Variants in AGL observed in about 807,000 individuals in gnomAD.
The protein encoded by AGL is amylo-alpha-1,6-glucosidase and 4-alpha-glucanotransferase, also known as glycogen debranching enzyme.
Under a neutral mutation model 199.3 loss-of-function variants are expected in AGL, and 128 were observed. That is an observed-to-expected ratio of 0.64 (90% CI 0.56 to 0.74). AGL has a LOEUF of 0.74. Ranked by LOEUF, AGL falls within the 30% of genes least tolerant of loss-of-function variation. AGL has a pLI of 0.00. For missense variants in AGL, 1,809 were observed against 1,820.8 expected (o/e 0.99, Z 0.12); for synonymous variants, 584 against 594.7 (o/e 0.98, Z 0.26).
chr1:99,867,811 A>C (rs1381064445), intron 5 of AGL, among the ~76,000 whole-genome samples: 1 of 152,040 alleles, frequency 6.6e-6, no homozygotes, highest in African/African-American at 2.4e-5. Context: ...AGCGTGAGCC[A>C]CCGCACCCGG....
chr1:99,874,062 A>C (rs916405547), intron 7 of AGL, among the ~76,000 whole-genome samples: 1 of 152,128 alleles, frequency 6.6e-6, no homozygotes, highest in Non-Finnish European at 1.5e-5. Flanking sequence ...TTATTATCTA[A>C]GGAATATGGT....
chr1:99,912,331 G>A, intron 28 of AGL, 74 bp from the exon 29 acceptor site: 2 of 1,084,466 alleles, frequency 1.8e-6, no homozygotes, highest in Non-Finnish European at 2.8e-6. Flanking sequence ...CATTACAATT[G>A]TTTACCGAAT....
At chr1:99,854,782 A>T (rs1272718559) in intron 2 of AGL, among the ~76,000 whole-genome samples, 1 of 151,882 alleles carries the variant, frequency 6.6e-6, no homozygotes, top group Non-Finnish European at 1.5e-5. Context: ...AAAAAAAGAT[A>T]ATTTGAAATG....
At chr1:99,856,369 T>C (rs1320843100) in intron 2 of AGL, among the ~76,000 whole-genome samples, 3 of 121,330 alleles carry the variant, frequency 2.5e-5, no homozygotes, top group East Asian at 5.8e-4. Context: ...CCTCCCTTCC[T>C]TCCTCCCTTC....
intron 31 of AGL, among the ~76,000 whole-genome samples, chr1:99,916,208 A>G (rs796606248): frequency 5.9e-5 from 9 of 152,286 alleles, no homozygotes; most frequent in African/African-American, 2.2e-4. Flanking sequence ...TTTGTTAATC[A>G]TTTTTAACAC....
At chr1:99,851,827 T>C (rs1459320959) in intron 2 of AGL, among the ~76,000 whole-genome samples, 1 of 152,222 alleles carries the variant, frequency 6.6e-6, no homozygotes, top group Non-Finnish European at 1.5e-5. Context: ...ATGTACCAAA[T>C]GGATGTTGCT....
chr1:99,916,443 A>G lies in AGL; in HGVS notation c.4293A>G (p.Ala1431=), dbSNP rs745826435. The G allele has an allele frequency of 5.6e-6, 9 of 1,612,678 alleles. No homozygotes were observed. The African/African-American group carries it at 9.3e-5, about 17-fold the overall frequency. Residue 1431 remains alanine (A), a synonymous_variant, in exon 32 of 34, where the codon GCA becomes GCG. Transcript: ENST00000361915. ...DMVYCGIYDN[A]LDNDNYNLAK... Reference sequence around the variant, plus strand: ...TTTACTGTGGAATTTATGACAATGCATTAGACAATGACAACTACAATCTTG... The same window carrying G: ...TTTACTGTGGAATTTATGACAATGCGTTAGACAATGACAACTACAATCTTG...
intron 31 of AGL, among the ~76,000 whole-genome samples, chr1:99,916,020 C>A (rs916061596): frequency 6.6e-6 from 1 of 151,914 alleles, no homozygotes; most frequent in Admixed American, 6.6e-5. Flanking sequence ...ATTAATAAAA[C>A]CATGTCTTTA....
In AGL at chr1:99,881,292, A is replaced by T; in HGVS notation, c.2002A>T (p.Ile668Phe). 6.2e-7 allele frequency: 1 copy of T among 1,614,088 alleles called. No homozygotes were observed. The highest frequency in any genetic ancestry group is 8.5e-7 in the Non-Finnish European group (1 of 1,179,984). The stretch of plus-strand genomic sequence containing the variant: ...CATGCTAAATTTTACCTTTGTCCAG[A>T]TTTCAGTGGTTTCTGAAGAACGGTT... ...RGYDELVPHQ[I>F]SVVSEERFYT... The change falls in exon 16 of 34, where the codon ATT (isoleucine) becomes TTT (phenylalanine). Residue 668 changes from isoleucine (I) to phenylalanine (F), a missense_variant and splice_region_variant. Coordinates refer to ENST00000361915, the MANE Select transcript of AGL (RefSeq NM_000642.3).
chr1:99,870,256 G>A (rs943323748), intron 5 of AGL, 144 bp from the exon 6 acceptor site: 48 of 834,946 alleles, frequency 5.7e-5, no homozygotes, highest in Non-Finnish European at 7.6e-5. Context: ...AACTTTTCCT[G>A]TAACAGTATC....
At position 99,915,474 on chromosome 1, in the gene AGL, C is replaced by T. The variant is rs1270241952; in HGVS notation, c.4247C>T (p.Thr1416Ile). Residue 1416 changes from threonine (T) to isoleucine (I), a missense_variant, in exon 31 of 34, where the codon ACT (threonine) becomes ATT (isoleucine). By Grantham distance (89) the Thr-to-Ile change is moderately conservative (BLOSUM62 -1). Transcript: ENST00000361915. ...KKLLGPLGMK[T>I]LDPDDMVYCG... ...TTGCTTGGTCCCCTTGGCATGAAAA[C>T]TTTAGATCCAGAGTAAGTTGGAATA... 2 of 1,608,166 alleles carry T rather than the reference C, an allele frequency of 1.2e-6. No individual in the cohort carries two copies. Among genetic ancestry groups the T allele is most frequent in the African/African-American group, 1.3e-5 (1 of 74,648 alleles).
chr1:99,856,273 T>C (rs1406970054), intron 2 of AGL, among the ~76,000 whole-genome samples: 1 of 150,966 alleles, frequency 6.6e-6, no homozygotes, highest in Non-Finnish European at 1.5e-5. Flanking sequence ...TCTATTGGGC[T>C]ACAGAAAGAA....
intron 5 of AGL, among the ~76,000 whole-genome samples, chr1:99,867,866 TCTC>T (rs531734570): frequency 2.6e-5 from 4 of 151,960 alleles, no homozygotes; most frequent in East Asian, 1.9e-4. Context: ...TGGAGAAAAA[TCTC>T]CTTTTCTCCA....
At chr1:99,882,834 A>G (rs72968976) in intron 17 of AGL, among the ~76,000 whole-genome samples, 39 of 152,294 alleles carry the variant, frequency 2.6e-4, no homozygotes, top group African/African-American at 9.4e-4. Context: ...ATCATATTCT[A>G]TATTGGTTGC....
chr1:99,892,361 G>A (rs1473519691), intron 23 of AGL, 71 bp from the exon 24 acceptor site: 13 of 1,384,410 alleles, frequency 9.4e-6, no homozygotes, highest in East Asian at 4.6e-5. Context: ...TTGAAGGAAA[G>A]AAACCAAGTA....
intron 7 of AGL, among the ~76,000 whole-genome samples, chr1:99,873,630 C>T (rs1002946204): frequency 6.6e-6 from 1 of 152,096 alleles, no homozygotes; most frequent in South Asian, 2.1e-4. Flanking sequence ...GATGGAGTTT[C>T]TCAATGTTGG....
chr1:99,871,058 A>C (rs1327600680), intron 7 of AGL, among the ~76,000 whole-genome samples, 189 bp downstream of exon 7: 1 of 152,230 alleles, frequency 6.6e-6, no homozygotes, highest in East Asian at 1.9e-4. Flanking sequence ...ACGTCATAAT[A>C]ATACATAACA....
chr1:99,851,058 C>G lies in AGL; in HGVS notation c.16C>G (p.Gln6Glu). MGHSK[Q>E]IRILLLNEME... Reference sequence around the variant, plus strand: ...AGAAGCCAAAATGGGACACAGTAAACAGATTCGAATTTTACTTCTGAACGA... The same window carrying G: ...AGAAGCCAAAATGGGACACAGTAAAGAGATTCGAATTTTACTTCTGAACGA... The change falls in exon 2 of 34, where the codon CAG becomes GAG. Residue 6 changes from glutamine (Q) to glutamate (E), a missense_variant. Gln to Glu is a conservative substitution (Grantham distance 29, BLOSUM62 2). Transcript: ENST00000361915. The G allele has an allele frequency of 6.2e-7, 1 of 1,613,962 alleles. No individual in the cohort carries two copies. The highest frequency in any genetic ancestry group is 8.5e-7 in the Non-Finnish European group (1 of 1,179,878).
At position 99,915,389 on chromosome 1, in the gene AGL, G is replaced by A. The variant is rs1456400194; in HGVS notation, c.4162G>A (p.Ala1388Thr). The change falls in exon 31 of 34, where the codon GCC (alanine) becomes ACC (threonine). Residue 1388 changes from alanine (A) to threonine (T), a missense_variant and splice_region_variant. Ala to Thr is a moderately conservative substitution (Grantham distance 58). Coordinates refer to ENST00000361915, the MANE Select transcript of AGL (RefSeq NM_000642.3). ...RPNFTIAMVV[A>T]PELFTTEKAW... Reference sequence around the variant, plus strand: ...TATATTTGTTTTTGGCATTCACTAGGCCCCTGAGCTCTTTACTACAGAAAA... The same window carrying A: ...TATATTTGTTTTTGGCATTCACTAGACCCCTGAGCTCTTTACTACAGAAAA... The A allele has an allele frequency of 1.2e-6, 2 of 1,612,730 alleles. No individual in the cohort carries two copies. Among genetic ancestry groups the A allele is most frequent in the Non-Finnish European group, 1.7e-6 (2 of 1,179,098 alleles).
Sources: allele counts gnomAD v4.1 joint callset (sites outside exome capture counted in the v4.1 genomes callset), GRCh38; gene constraint gnomAD v4.1.1; transcripts MANE v1.5; gene names NCBI Gene and HGNC (gene_info 2026-07-23, HGNC 2026-07-21).